Variants in RP1 observed in about 807,000 individuals in gnomAD.
RP1 encodes the protein oxygen-regulated protein 1.
In RP1, 16 loss-of-function variants were observed where a neutral mutation model predicts 14.8. That is an observed-to-expected ratio of 1.08 (90% CI 0.73 to 1.65). RP1 has a LOEUF of 1.65. Ranked by LOEUF, RP1 falls within the 40% of genes most tolerant of loss-of-function variation. The pLI is 0.00. For synonymous variants in RP1, 876 were observed against 883.6 expected, an observed-to-expected ratio of 0.99 and a Z score of 0.15; for missense variants, 2,631 against 2,535.0, an observed-to-expected ratio of 1.04 and a Z score of -0.81.
At chr8:54,679,812 A>G in exon 12 of RP1, 2 of 1,535,906 alleles carry the variant, frequency 1.3e-6, no homozygotes, top group Non-Finnish European at 1.7e-6. Context: ...AGTGGACTGC[A>G]GAAAGCTGGA....
At chr8:54,830,180 GT>G (rs1471361350) in intron 24 of RP1, among the ~76,000 whole-genome samples, 2 of 151,848 alleles carry the variant, frequency 1.3e-5, no homozygotes, top group Non-Finnish European at 2.9e-5. Context: ...TTTCTATCAA[GT>G]TTTTTCTTCC....
At chr8:54,608,658 A>G (rs1029682177) in intron 1 of RP1, among the ~76,000 whole-genome samples, 19 of 152,350 alleles carry the variant, frequency 1.2e-4, no homozygotes, top group African/African-American at 4.3e-4. Context: ...AAACCTGTAC[A>G]TGCTGCACAT....
intron 1 of RP1, among the ~76,000 whole-genome samples, chr8:54,576,221 T>G (rs1239062046): frequency 1.3e-5 from 2 of 151,954 alleles, no homozygotes; most frequent in African/African-American, 4.8e-5. Flanking sequence ...TGTTTTAGTA[T>G]TTTTAGTAGA....
chr8:54,845,613 A>C (rs1811901166), intron 25 of RP1, among the ~76,000 whole-genome samples: 1 of 152,166 alleles, frequency 6.6e-6, no homozygotes, highest in Non-Finnish European at 1.5e-5. Context: ...TTAATAACAC[A>C]ATTACCAAAT....
At chr8:54,603,006 T>C (rs1476676758) in intron 1 of RP1, among the ~76,000 whole-genome samples, 1 of 152,218 alleles carries the variant, frequency 6.6e-6, no homozygotes, top group African/African-American at 2.4e-5. Flanking sequence ...ACTCTGATGG[T>C]AGTTTCTTCT....
At chr8:54,679,317 T>C in intron 9 of RP1, 6 of 1,045,470 alleles carry the variant, frequency 5.7e-6, no homozygotes, top group Admixed American at 2.1e-5. Context: ...GCCACGTCTT[T>C]TCCCTTTCCT....
rs549339320 is a variant in RP1 at position 54,623,211 on chromosome 8, C to T, written c.787+923C>T. Among the ~76,000 whole-genome samples, 42 of 152,112 alleles carry T rather than the reference C, an allele frequency of 2.8e-4. No homozygotes were observed. The East Asian group carries it at 7.0e-3, about 25-fold the overall frequency. ...CATATATGTTATAAATATGGTAGTG[C>T]TATTTCACGTTTGTCATTTTACTAA... On this transcript the variant is annotated intron_variant, in intron 3 of 3. Coordinates refer to ENST00000220676, the MANE Select transcript of RP1 (RefSeq NM_006269.2).
At chr8:54,721,166 A>G (rs773313147) in intron 16 of RP1, among the ~76,000 whole-genome samples, 12 of 152,210 alleles carry the variant, frequency 7.9e-5, no homozygotes, top group East Asian at 3.8e-4. Flanking sequence ...TCTTCACTCT[A>G]TCTGCATCAA....
chr8:54,861,080 T>G (rs1812331841), intron 27 of RP1, among the ~76,000 whole-genome samples: 1 of 151,806 alleles, frequency 6.6e-6, no homozygotes, highest in Non-Finnish European at 1.5e-5. Flanking sequence ...CCTTCCTACA[T>G]TCTGAATACT....
exon 17 of RP1, chr8:54,726,419 C>A: frequency 6.5e-7 from 1 of 1,533,848 alleles, no homozygotes; most frequent in Non-Finnish European, 8.7e-7. Flanking sequence ...GTCAAAAAAA[C>A]AGAAAAAAAT....
chr8:54,645,763 T>C (rs1806533086), intron 3 of RP1, among the ~76,000 whole-genome samples: 1 of 152,164 alleles, frequency 6.6e-6, no homozygotes, highest in Non-Finnish European at 1.5e-5. Flanking sequence ...TTTTTTAGAA[T>C]AGTTTGATAC....
At chr8:54,652,983 C>A in intron 5 of RP1, 2 of 647,056 alleles carry the variant, frequency 3.1e-6, no homozygotes, top group South Asian at 2.1e-5. Flanking sequence ...TTAGCCAGTG[C>A]TTTCTTCAAG....
In RP1 at chr8:54,621,366, A is replaced by G. The variant is rs1156663740; in HGVS notation, c.400A>G (p.Ser134Gly). 7.4e-6 allele frequency: 12 copies of G among 1,612,694 alleles called. No individual in the cohort carries two copies. Among genetic ancestry groups the G allele is most frequent in the Non-Finnish European group, 1.0e-5 (12 of 1,179,810 alleles). ...GCCCTGGCTCAGCAGCCGGGCCATT[A>G]GCGCGCACTCACCGCCCCACCCCGT... ...PRPWLSSRAISAHSPPHPVAV... is the reference protein window; with the variant it reads ...PRPWLSSRAIGAHSPPHPVAV... Residue 134 changes from serine to glycine, a missense_variant, in exon 2 of 4, where the codon AGC becomes GGC. By Grantham distance (56) the Ser-to-Gly change is moderately conservative. Coordinates refer to ENST00000220676, the MANE Select transcript of RP1 (RefSeq NM_006269.2).
At chr8:54,843,216 A>G (rs1177270476) in intron 25 of RP1, among the ~76,000 whole-genome samples, 1 of 151,890 alleles carries the variant, frequency 6.6e-6, no homozygotes, top group Non-Finnish European at 1.5e-5. Context: ...TTGTATTTTT[A>G]TGTATTTATG....
rs764786857 is a variant in RP1, at chr8:54,621,535, T to G, written c.569T>G (p.Val190Gly). Residue 190 changes from valine to glycine, a missense_variant, in exon 2 of 4, where the codon GTC becomes GGC. Val to Gly is a moderately radical substitution (Grantham distance 109). Transcript: ENST00000220676. ...FEAFLQHLTE[V>G]MQRPVVKLYA... ...GCATTTCTACAGCACCTGACAGAGG[T>G]CATGCAGCGCCCTGTGGTCAAGCTG... 1.9e-6 allele frequency: 3 copies of G among 1,613,962 alleles called. No homozygotes were observed. The highest frequency in any genetic ancestry group is 2.5e-6 in the Non-Finnish European group (3 of 1,180,010).
Position 54,627,752 on chromosome 8 carries a change from G to T in RP1, c.3870G>T (p.Gln1290His), listed in dbSNP as rs886062993. The T allele has an allele frequency of 6.2e-7, 1 of 1,614,024 alleles. No homozygotes were observed. The highest frequency in any genetic ancestry group is 1.6e-4 in the Middle Eastern group (1 of 6,062). The change falls in exon 4 of 4, where the codon CAG becomes CAT. Residue 1290 changes from glutamine (Q) to histidine (H), a missense_variant. Transcript: ENST00000220676. ...CTAGTGATGGTTATGGTGTGGATCA[G>T]ACTTCTATGAATAAGGCTTGTTTCC... ...FFPSDGYGVD[Q>H]TSMNKACFLG...
chr8:54,578,242 T>G (rs1804704426), intron 1 of RP1, among the ~76,000 whole-genome samples: 1 of 152,204 alleles, frequency 6.6e-6, no homozygotes, highest in Non-Finnish European at 1.5e-5. Flanking sequence ...CGTCTCATTC[T>G]GTTGCCCAGG....
chr8:54,586,886 C>T (rs761163585), intron 1 of RP1, among the ~76,000 whole-genome samples: 39 of 152,324 alleles, frequency 2.6e-4, no homozygotes, highest in Middle Eastern at 6.8e-3. Context: ...TTCCAGGTGC[C>T]GTCTGTCACC....
chr8:54,692,595 T>G (rs1362315831), intron 12 of RP1, among the ~76,000 whole-genome samples: 3 of 105,396 alleles, frequency 2.8e-5, no homozygotes, highest in Admixed American at 1.8e-4. Flanking sequence ...TCATGTGTCT[T>G]TTGGCTGCAT....
Sources: gnomAD v4.1 joint callset for allele counts (sites outside exome capture counted in the v4.1 genomes callset) on GRCh38, gnomAD v4.1.1 for gene constraint, MANE v1.5 for transcripts, NCBI Gene and HGNC (gene_info 2026-07-23, HGNC 2026-07-21) for gene names.